PRKAG2: variants seen among roughly 807,000 people sequenced by gnomAD.
PRKAG2 encodes the protein 5'-AMP-activated protein kinase subunit gamma-2.
Under a neutral mutation model 69.6 loss-of-function variants are expected in PRKAG2, and 26 were observed. That is an observed-to-expected ratio of 0.37 (90% CI 0.27 to 0.52). The LOEUF is 0.52. Ranked by LOEUF, PRKAG2 falls within the 20% of genes least tolerant of loss-of-function variation. The pLI is 0.90. For missense variants in PRKAG2, 557 were observed against 740.0 expected (o/e 0.75, Z 2.87); for synonymous variants, 293 against 285.0 (o/e 1.03, Z -0.28).
intron 4 of PRKAG2, among the ~76,000 whole-genome samples, chr7:151,647,419 G>A (rs1827756992): frequency 6.6e-6 from 1 of 152,180 alleles, no homozygotes; most frequent in Admixed American, 6.5e-5. Context: ...TATAATTGGG[G>A]AAATCAGATT....
intron 3 of PRKAG2, among the ~76,000 whole-genome samples, chr7:151,761,363 A>AG (rs1013325390): frequency 5.9e-5 from 9 of 152,290 alleles, no homozygotes; most frequent in Non-Finnish European, 1.3e-4. Flanking sequence ...AACTTCCCCA[A>AG]TTACTCCTGT....
chr7:151,560,327 T>C (rs1294642948), intron 15 of PRKAG2, 197 bp downstream of exon 15: 2 of 1,497,878 alleles, frequency 1.3e-6, no homozygotes, highest in Admixed American at 4.0e-5. Flanking sequence ...TTCGAATACG[T>C]TCTATACACT....
chr7:151,799,906 C>T (rs1013570925), intron 1 of PRKAG2, among the ~76,000 whole-genome samples: 3 of 152,180 alleles, frequency 2.0e-5, no homozygotes, highest in Non-Finnish European at 4.4e-5. Context: ...GGTGGGCTAA[C>T]AACACTCACA....
chr7:151,835,619 T>C lies in PRKAG2; in HGVS notation c.114+40888A>G, dbSNP rs1472204669. Among the ~76,000 whole-genome samples, 2 of 152,104 alleles carry C rather than the reference T, an allele frequency of 1.3e-5. No individual in the cohort carries two copies. The highest frequency in any genetic ancestry group is 6.5e-5 in the Admixed American group (1 of 15,280). ...GCGTAAGCTCGCCTTTAGGAACCAC[T>C]CTCGTTGTGGTTTTAAATTGTCATC... On this transcript the variant is annotated intron_variant, in intron 1 of 15. Coordinates refer to ENST00000287878, the MANE Select transcript of PRKAG2 (RefSeq NM_016203.4). This position sits in a 1 kb window ranked among gnomAD's most constrained non-coding sequence, Gnocchi z 4.1.
intron 1 of PRKAG2, among the ~76,000 whole-genome samples, chr7:151,857,753 G>A (rs1167374603): frequency 6.6e-6 from 1 of 152,262 alleles, no homozygotes; most frequent in African/African-American, 2.4e-5. Flanking sequence ...TGTGGTCACT[G>A]TTGCTCTTCT....
At chr7:151,717,569 G>A (rs1460985419) in intron 3 of PRKAG2, among the ~76,000 whole-genome samples, 4 of 152,170 alleles carry the variant, frequency 2.6e-5, no homozygotes, top group African/African-American at 2.4e-5. Context: ...GGGCTGCCCC[G>A]GCCCCAGACT....
chr7:151,612,448 T>G (rs573419065), intron 5 of PRKAG2, among the ~76,000 whole-genome samples: 3 of 152,030 alleles, frequency 2.0e-5, no homozygotes, highest in Admixed American at 2.0e-4. Flanking sequence ...CCCACACAGG[T>G]AGGGGACAGA....
At chr7:151,824,453 G>A (rs893119127) in intron 1 of PRKAG2, among the ~76,000 whole-genome samples, 1 of 152,180 alleles carries the variant, frequency 6.6e-6, no homozygotes, top group Admixed American at 6.5e-5. Context: ...GAATGGTATC[G>A]ACTGATACTT....
intron 5 of PRKAG2, among the ~76,000 whole-genome samples, chr7:151,597,984 G>C (rs1452194109): frequency 1.3e-5 from 2 of 152,172 alleles, no homozygotes; most frequent in African/African-American, 2.4e-5. Context: ...AATGAAATCA[G>C]AGTGTTCATG....
chr7:151,790,958 C>T (rs898366900), intron 1 of PRKAG2, among the ~76,000 whole-genome samples: 3 of 152,234 alleles, frequency 2.0e-5, no homozygotes, highest in Admixed American at 1.3e-4. Context: ...CCCCAGGCGG[C>T]TGCCCGGAGT....
chr7:151,697,198 G>A (rs1228809661), intron 3 of PRKAG2, among the ~76,000 whole-genome samples: 1 of 152,152 alleles, frequency 6.6e-6, no homozygotes, highest in Non-Finnish European at 1.5e-5. Flanking sequence ...ACGGGGGGTG[G>A]TGTGTAGGGA....
At position 151,567,786 on chromosome 7, in the gene PRKAG2, T is replaced by C. The variant is rs745384605; in HGVS notation, c.1233+930A>G. ...TTGATTGACAAGGTATTTCTCTCCA[T>C]CACTAAGCCCTCTGTGCTTCTGTCA... On this transcript the variant is annotated intron_variant, in intron 11 of 15. Transcript: ENST00000287878. This position sits in a 1 kb window ranked among gnomAD's most constrained non-coding sequence, Gnocchi z 4.2. 2.4e-4 allele frequency among the ~76,000 whole-genome samples: 36 copies of C among 152,318 alleles called. No homozygotes were observed. The highest frequency in any genetic ancestry group is 3.4e-3 in the Middle Eastern group (1 of 294).
Position 151,807,475 on chromosome 7 carries a change from G to T in PRKAG2, c.115-20934C>A, listed in dbSNP as rs1342871493. 1 of 457,732 alleles carries T rather than the reference G, an allele frequency of 2.2e-6. No homozygotes were observed. Among genetic ancestry groups the T allele is most frequent in the Non-Finnish European group, 4.4e-6 (1 of 226,986 alleles). The allele number at this position is 457,732 out of a possible 1,614,324, so 28.4% of individuals were successfully genotyped here. A position where few individuals can be genotyped will look rare whatever the true frequency, so the allele number is the denominator to read the frequency against. On this transcript the variant is annotated intron_variant, in intron 1 of 15. Coordinates refer to ENST00000287878, the MANE Select transcript of PRKAG2 (RefSeq NM_016203.4). The surrounding 1 kb of genome is among the most constrained non-coding windows in gnomAD (Gnocchi z 4.4). ...TGGCCTCTTGGTGCCAAAGCACCAT[G>T]GCGTGTTACACCTATCAGATCGGGC...
intron 4 of PRKAG2, among the ~76,000 whole-genome samples, chr7:151,656,346 A>G (rs1431203667): frequency 6.6e-6 from 1 of 152,226 alleles, no homozygotes; most frequent in East Asian, 1.9e-4. Context: ...ACCTGAGGTC[A>G]GGAGTTCAAG....
At chr7:151,665,450 T>C (rs761668463) in intron 4 of PRKAG2, among the ~76,000 whole-genome samples, 1 of 152,202 alleles carries the variant, frequency 6.6e-6, no homozygotes, top group African/African-American at 2.4e-5. Flanking sequence ...TTTCTGTTCA[T>C]TGAGTCATGA....
chr7:151,801,180 C>T (rs898020348), intron 1 of PRKAG2, among the ~76,000 whole-genome samples: 1 of 152,214 alleles, frequency 6.6e-6, no homozygotes, highest in South Asian at 2.1e-4. Flanking sequence ...GAGGTCAATT[C>T]TTCCTGTATC....
chr7:151,857,541 C>T (rs988425968), intron 1 of PRKAG2, among the ~76,000 whole-genome samples: 3 of 152,242 alleles, frequency 2.0e-5, no homozygotes, highest in Non-Finnish European at 1.5e-5. Context: ...TTCAGCACAG[C>T]GGTTGTGTGT....
intron 3 of PRKAG2, among the ~76,000 whole-genome samples, chr7:151,750,436 C>T (rs538103157): frequency 4.6e-5 from 7 of 152,278 alleles, no homozygotes; most frequent in East Asian, 1.9e-4. Flanking sequence ...GAATGAAATT[C>T]CAATATATGC....
intron 4 of PRKAG2, among the ~76,000 whole-genome samples, chr7:151,641,187 T>C (rs1474466204): frequency 6.6e-6 from 1 of 152,054 alleles, no homozygotes; most frequent in Non-Finnish European, 1.5e-5. Flanking sequence ...GGCTGAGAGC[T>C]TTGCCAGCTC....
Sources: gnomAD v4.1 joint callset for allele counts (sites outside exome capture counted in the v4.1 genomes callset) on GRCh38, gnomAD v4.1.1 for gene constraint, Gnocchi (gnomAD v3.1) non-coding constraint, MANE v1.5 for transcripts, NCBI Gene and HGNC (gene_info 2026-07-23, HGNC 2026-07-21) for gene names.